Variants in CTIF observed in about 807,000 individuals in gnomAD.
CTIF encodes the protein CBP80/20-dependent translation initiation factor.
CTIF carries 21 observed loss-of-function variants against 66.0 expected under a neutral mutation model. That is an observed-to-expected ratio of 0.32 (90% CI 0.23 to 0.46). The LOEUF (loss-of-function observed/expected upper bound fraction) is 0.46, where lower values mean the gene tolerates loss of function less well. Among genes scored for constraint, CTIF ranks in the 20% least tolerant of loss-of-function variants. The pLI, the probability that CTIF is intolerant of heterozygous loss-of-function variation, is 1.00. For synonymous variants in CTIF, 345 were observed against 326.4 expected (o/e 1.06, Z -0.62); for missense variants, 739 against 812.7 (o/e 0.91, Z 1.10).
At chr18:48,800,508 A>G (rs764175295) in intron 9 of CTIF, among the ~76,000 whole-genome samples, 1 of 152,134 alleles carries the variant, frequency 6.6e-6, no homozygotes. Flanking sequence ...CTGCAGAGAT[A>G]CCTTCCCTCT....
rs1350286287 is a variant in CTIF at position 48,782,198 on chromosome 18, G to C, written c.1371+20509G>C. ...GGTGAAGTCCAAGAGCTCTCTGGGT[G>C]GGGGTGTTTGGTCATGGGCTTGCAG... On this transcript the variant is annotated intron_variant, in intron 9 of 11. Transcript: ENST00000256413. Among the ~76,000 whole-genome samples, 7 of 152,046 alleles carry C rather than the reference G, an allele frequency of 4.6e-5. No homozygotes were observed. In the East Asian group the frequency reaches 1.4e-3, roughly 30 times the overall value.
chr18:48,858,122 C>A (rs2069372304), intron 11 of CTIF, among the ~76,000 whole-genome samples: 1 of 152,264 alleles, frequency 6.6e-6, no homozygotes, highest in African/African-American at 2.4e-5. Context: ...CCCTTTAGCG[C>A]CTGGCTTTGG....
At chr18:48,566,649 TG>T (rs1189835267) in intron 1 of CTIF, 1 of 152,204 alleles carries the variant, frequency 6.6e-6, no homozygotes, top group Non-Finnish European at 1.5e-5. Flanking sequence ...GTCCCTCCCA[TG>T]CTCTGGGTAC....
intron 9 of CTIF, among the ~76,000 whole-genome samples, chr18:48,795,315 G>T (rs1464455080): frequency 1.3e-5 from 2 of 152,156 alleles, no homozygotes; most frequent in Admixed American, 6.5e-5. Context: ...CTGCAGGTGG[G>T]CCTTAGCCTC....
intron 3 of CTIF, among the ~76,000 whole-genome samples, chr18:48,647,138 A>G (rs1399737603): frequency 6.6e-6 from 1 of 152,236 alleles, no homozygotes; most frequent in Non-Finnish European, 1.5e-5. Context: ...ATGCCTGATG[A>G]TGCAGCAGCC....
intron 2 of CTIF, among the ~76,000 whole-genome samples, chr18:48,626,802 C>G (rs2090613271): frequency 6.6e-6 from 1 of 151,782 alleles, no homozygotes; most frequent in Admixed American, 6.6e-5. Context: ...ATTACAGGTG[C>G]CTGCCACCAT....
At chr18:48,730,288 GAGGGGCCCC>G (rs2092429519) in intron 7 of CTIF, among the ~76,000 whole-genome samples, 1 of 148,540 alleles carries the variant, frequency 6.7e-6, no homozygotes, top group Non-Finnish European at 1.5e-5. Flanking sequence ...CCTGGGGTGT[GAGGGGCCCC>G]TGAGGTGTGA....
chr18:48,707,124 G>A (rs1323315836), intron 6 of CTIF, among the ~76,000 whole-genome samples: 2 of 152,222 alleles, frequency 1.3e-5, no homozygotes, highest in African/African-American at 4.8e-5. Flanking sequence ...AGGAGGTGGA[G>A]GGGATACTTA....
chr18:48,840,395 T>G (rs1232858301), intron 10 of CTIF, among the ~76,000 whole-genome samples: 2 of 152,250 alleles, frequency 1.3e-5, no homozygotes, highest in South Asian at 2.1e-4. Context: ...AATGCACAGG[T>G]GATAACAGAA....
At chr18:48,663,501 G>A (rs1250342738) in intron 3 of CTIF, among the ~76,000 whole-genome samples, 1 of 152,072 alleles carries the variant, frequency 6.6e-6, no homozygotes, top group Non-Finnish European at 1.5e-5. Context: ...TGAGGAGAGA[G>A]CCATGGGCCT....
intron 7 of CTIF, among the ~76,000 whole-genome samples, chr18:48,724,191 G>A (rs989189564): frequency 1.3e-5 from 2 of 152,222 alleles, no homozygotes; most frequent in Non-Finnish European, 2.9e-5. Flanking sequence ...AACAGCCTGG[G>A]CACCAGGATT....
intron 10 of CTIF, among the ~76,000 whole-genome samples, chr18:48,852,488 TTA>T (rs1221745648): frequency 2.2e-4 from 34 of 152,202 alleles, no homozygotes; most frequent in Non-Finnish European, 4.3e-4. Flanking sequence ...TAGAACCTGC[TTA>T]CTAATCTTTA....
intron 1 of CTIF, among the ~76,000 whole-genome samples, chr18:48,569,452 T>C (rs187758492): frequency 1.4e-3 from 208 of 150,350 alleles, no homozygotes; most frequent in Admixed American, 2.4e-3. Flanking sequence ...TTCAAGAAAT[T>C]CATAAATGAA....
At chr18:48,648,084 G>A (rs1203524815) in intron 3 of CTIF, among the ~76,000 whole-genome samples, 2 of 152,154 alleles carry the variant, frequency 1.3e-5, no homozygotes, top group African/African-American at 4.8e-5. Flanking sequence ...AATGGCCTCT[G>A]GTGTGGCCCT....
intron 9 of CTIF, among the ~76,000 whole-genome samples, chr18:48,774,613 T>G (rs148272926): frequency 6.6e-6 from 1 of 151,588 alleles, no homozygotes; most frequent in East Asian, 1.9e-4. Flanking sequence ...CTCAAAATCG[T>G]CCCCCCTCCA....
At chr18:48,669,793 TTATATATATATATATATATATATATATA>T (rs57715945) in intron 5 of CTIF, among the ~76,000 whole-genome samples, 1,104 of 47,284 alleles carry the variant, frequency 0.023, 100 homozygotes, top group African/African-American at 0.087. Context: ...AGCTAAACAT[TTATATATATATATATATATATATATATA>T]TATATATATA....
chr18:48,645,829 G>GC (rs1443956290), intron 3 of CTIF, among the ~76,000 whole-genome samples: 2 of 152,208 alleles, frequency 1.3e-5, no homozygotes, highest in Non-Finnish European at 1.5e-5. Flanking sequence ...CACCCCTGCG[G>GC]CGTCGGAGGA....
At chr18:48,683,660 C>A (rs572550503) in intron 6 of CTIF, among the ~76,000 whole-genome samples, 1 of 152,238 alleles carries the variant, frequency 6.6e-6, no homozygotes, top group Non-Finnish European at 1.5e-5. Context: ...CTGCCTCTAG[C>A]GGTCTAGGCC....
At chr18:48,800,509 C>T (rs2068026614) in intron 9 of CTIF, among the ~76,000 whole-genome samples, 1 of 152,208 alleles carries the variant, frequency 6.6e-6, no homozygotes, top group Non-Finnish European at 1.5e-5. Context: ...TGCAGAGATA[C>T]CTTCCCTCTT....
Sources: allele counts gnomAD v4.1 joint callset (sites outside exome capture counted in the v4.1 genomes callset), GRCh38; gene constraint gnomAD v4.1.1; transcripts MANE v1.5; gene names NCBI Gene and HGNC (gene_info 2026-07-23, HGNC 2026-07-21).